INPP4B: variants seen among roughly 807,000 people sequenced by gnomAD.
INPP4B encodes the protein inositol polyphosphate-4-phosphatase type II B.
Under a neutral mutation model 122.5 loss-of-function variants are expected in INPP4B, and 55 were observed. That is an observed-to-expected ratio of 0.45 (90% confidence interval 0.36 to 0.56). The LOEUF is 0.56. Ranked by LOEUF, INPP4B falls within the 20% of genes least tolerant of loss-of-function variation. INPP4B has a pLI of 0.00. For synonymous variants in INPP4B, 403 were observed against 388.7 expected, an observed-to-expected ratio of 1.04 and a Z score of -0.43; for missense variants, 1,000 against 1,097.7, an observed-to-expected ratio of 0.91 and a Z score of 1.26.
intron 2 of INPP4B, among the ~76,000 whole-genome samples, chr4:142,683,363 G>T (rs971498629): frequency 5.9e-5 from 9 of 151,846 alleles, no homozygotes; most frequent in African/African-American, 1.4e-4. Context: ...GCAATGGGAG[G>T]TCACTGGTGT....
At position 142,836,180 on chromosome 4, in the gene INPP4B, A is replaced by G. The variant is rs1581025971; in HGVS notation, c.-254+10029T>C. ...CATTTATTCACTCAATGAAACTTCAATTGAAATCTAAAAATATTTTGGCAC... is the reference window on the plus strand; with the variant it reads ...CATTTATTCACTCAATGAAACTTCAGTTGAAATCTAAAAATATTTTGGCAC... On this transcript the variant is annotated intron_variant, in intron 1 of 25. Transcript: ENST00000262992. Among the ~76,000 whole-genome samples the G allele has an allele frequency of 2.6e-5, 4 of 152,308 alleles. No homozygotes were observed. In the South Asian group the frequency reaches 8.3e-4, roughly 32 times the overall value.
intron 9 of INPP4B, among the ~76,000 whole-genome samples, chr4:142,279,505 T>C (rs1462672729): frequency 6.6e-6 from 1 of 151,692 alleles, no homozygotes; most frequent in East Asian, 1.9e-4. Context: ...AAAGTAGTCT[T>C]TTCAACAGAT....
intron 25 of INPP4B, among the ~76,000 whole-genome samples, chr4:142,044,262 A>G (rs921531407): frequency 6.6e-6 from 1 of 152,130 alleles, no homozygotes; most frequent in Non-Finnish European, 1.5e-5. Context: ...ATTAGATGGA[A>G]TCATCCACGT....
At chr4:142,618,357 A>G (rs1264571654) in intron 2 of INPP4B, among the ~76,000 whole-genome samples, 1 of 152,128 alleles carries the variant, frequency 6.6e-6, no homozygotes, top group East Asian at 1.9e-4. Flanking sequence ...TAATTAAAAC[A>G]GTATGCTGCT....
chr4:142,459,120 TG>T (rs2149571896), intron 3 of INPP4B, among the ~76,000 whole-genome samples: 1 of 152,240 alleles, frequency 6.6e-6, no homozygotes, highest in South Asian at 2.1e-4. Context: ...GCTTTGCCAG[TG>T]GGACATTCCC....
chr4:142,276,466 G>A (rs1748443770), intron 9 of INPP4B, among the ~76,000 whole-genome samples: 1 of 151,792 alleles, frequency 6.6e-6, no homozygotes, highest in African/African-American at 2.4e-5. Context: ...CACAGTGAAT[G>A]TTGAGTAACA....
intron 25 of INPP4B, among the ~76,000 whole-genome samples, chr4:142,040,612 G>A (rs1746831389): frequency 6.6e-6 from 1 of 152,082 alleles, no homozygotes; most frequent in African/African-American, 2.4e-5. Flanking sequence ...AGATAAATAG[G>A]GGATTTCTAC....
chr4:142,324,031 A>T (rs1771361163), intron 7 of INPP4B, among the ~76,000 whole-genome samples: 1 of 152,174 alleles, frequency 6.6e-6, no homozygotes. Flanking sequence ...TACAGAAGTG[A>T]TTAATTTAAA....
chr4:142,288,766 C>T (rs181691678), intron 9 of INPP4B, among the ~76,000 whole-genome samples: 1 of 151,968 alleles, frequency 6.6e-6, no homozygotes, highest in African/African-American at 2.4e-5. Context: ...TGCTCAACAC[C>T]TCTAAACTTA....
intron 2 of INPP4B, among the ~76,000 whole-genome samples, chr4:142,649,155 A>C (rs901152682): frequency 7.2e-5 from 11 of 152,200 alleles, no homozygotes; most frequent in African/African-American, 2.7e-4. Context: ...AAACTAACAA[A>C]CAGAAAGGAA....
chr4:142,248,779 G>A (rs1310172494), intron 11 of INPP4B, among the ~76,000 whole-genome samples: 1 of 151,816 alleles, frequency 6.6e-6, no homozygotes, highest in Non-Finnish European at 1.5e-5. Context: ...CAGCAGGACT[G>A]GAAATTTTTA....
chr4:142,464,875 C>G (rs1196768199), intron 2 of INPP4B, among the ~76,000 whole-genome samples: 2 of 152,184 alleles, frequency 1.3e-5, no homozygotes, highest in Admixed American at 6.5e-5. Flanking sequence ...TCAAATCCAC[C>G]CAAATCTAAG....
intron 23 of INPP4B, among the ~76,000 whole-genome samples, chr4:142,088,158 A>G (rs532783735): frequency 6.6e-6 from 1 of 152,330 alleles, no homozygotes; most frequent in Non-Finnish European, 1.5e-5. Context: ...CAGCCCAAAG[A>G]TAGCCTAAAG....
intron 2 of INPP4B, among the ~76,000 whole-genome samples, chr4:142,515,917 T>G (rs969992931): frequency 6.6e-6 from 1 of 152,208 alleles, no homozygotes. Context: ...TGAAAAGGCA[T>G]TGTTCTAAGT....
In INPP4B at chr4:142,212,071, C is replaced by T. The variant is rs531555545; in HGVS notation, c.837-3045G>A. Reference sequence around the variant, plus strand: ...TTAATCCTTAGGATTAGGATTTAGCCAATGTAGAAAAGCACACAAACTGGG... The same window carrying T: ...TTAATCCTTAGGATTAGGATTTAGCTAATGTAGAAAAGCACACAAACTGGG... On this transcript the variant is annotated intron_variant, in intron 12 of 25. Transcript: ENST00000262992. Among the ~76,000 whole-genome samples the T allele has an allele frequency of 4.6e-5, 7 of 152,054 alleles. No homozygotes were observed. In the South Asian group the frequency reaches 1.5e-3, roughly 32 times the overall value.
intron 2 of INPP4B, among the ~76,000 whole-genome samples, chr4:142,469,151 C>A (rs1049480704): frequency 2.6e-5 from 4 of 151,566 alleles, no homozygotes; most frequent in Admixed American, 6.6e-5. Flanking sequence ...AAAAAAAATT[C>A]TATTAGAATT....
chr4:142,547,628 T>G (rs1224489422), intron 2 of INPP4B, among the ~76,000 whole-genome samples: 1 of 152,136 alleles, frequency 6.6e-6, no homozygotes, highest in Non-Finnish European at 1.5e-5. Flanking sequence ...CTGAAGACCA[T>G]GAAGGTTAAG....
At chr4:142,735,902 C>T (rs1215205389) in intron 1 of INPP4B, among the ~76,000 whole-genome samples, 2 of 145,246 alleles carry the variant, frequency 1.4e-5, no homozygotes, top group East Asian at 2.1e-4. Flanking sequence ...AAGAAATTTA[C>T]GTATATCATT....
chr4:142,078,398 T>G (rs911833425), intron 25 of INPP4B, among the ~76,000 whole-genome samples: 1 of 152,082 alleles, frequency 6.6e-6, no homozygotes, highest in Non-Finnish European at 1.5e-5. Context: ...AAAATGCTTA[T>G]GTATGCACAA....
Sources: gnomAD v4.1 joint callset for allele counts (sites outside exome capture counted in the v4.1 genomes callset) on GRCh38, gnomAD v4.1.1 for gene constraint, MANE v1.5 for transcripts, NCBI Gene and HGNC (gene_info 2026-07-23, HGNC 2026-07-21) for gene names.